ABCC5: variants seen among roughly 807,000 people sequenced by gnomAD.
The protein encoded by ABCC5 is ATP binding cassette subfamily C member 5.
ABCC5 carries 61 observed loss-of-function variants against 160.9 expected under a neutral mutation model. The ratio of observed to expected loss-of-function variants is 0.38; its 90% confidence interval spans 0.31 to 0.47. The LOEUF is 0.47. Among genes scored for constraint, ABCC5 ranks in the 20% least tolerant of loss-of-function variants. ABCC5 has a pLI of 0.99. For synonymous variants in ABCC5, 666 were observed against 700.6 expected, an observed-to-expected ratio of 0.95 and a Z score of 0.78; for missense variants, 1,308 against 1,813.3, an observed-to-expected ratio of 0.72 and a Z score of 5.06.
chr3:184,016,041 A>G (rs1454682795), intron 1 of ABCC5, among the ~76,000 whole-genome samples: 1 of 152,242 alleles, frequency 6.6e-6, no homozygotes, highest in Non-Finnish European at 1.5e-5. Context: ...TGCCACATCA[A>G]GAAGAACACG....
chr3:183,991,098 C>A lies in ABCC5; in HGVS notation c.130-1715G>T, dbSNP rs542726761. Among the ~76,000 whole-genome samples, 208 of 151,936 alleles carry A rather than the reference C, an allele frequency of 1.4e-3. 5 individuals carry two copies. In the South Asian group the frequency reaches 0.016, roughly 11 times the overall value. On this transcript the variant is annotated intron_variant, in intron 2 of 29. Coordinates refer to ENST00000334444, the MANE Select transcript of ABCC5 (RefSeq NM_005688.4). ...GTTGAGCTCAGGAGTTCAAGACCAC[C>A]CTGGGCAACACAGCAACACACCATC...
In ABCC5 at chr3:183,987,711, G is replaced by A; in HGVS notation, c.591+59C>T. Reference sequence around the variant, plus strand: ...ACAACCTCTGCAACAGAATAAGAGTGTTAGAGCTGGCCGTGGCCGGGCCCC... The same window carrying A: ...ACAACCTCTGCAACAGAATAAGAGTATTAGAGCTGGCCGTGGCCGGGCCCC... On this transcript the variant is annotated intron_variant, in intron 5 of 29. Transcript: ENST00000334444. The surrounding 1 kb of genome is among the most constrained non-coding windows in gnomAD (Gnocchi z 4.2). 6.2e-7 allele frequency: 1 copy of A among 1,609,478 alleles called. No individual in the cohort carries two copies. Among genetic ancestry groups the A allele is most frequent in the Admixed American group, 1.7e-5 (1 of 59,642 alleles).
chr3:183,955,000 G>T (rs1715733391), intron 17 of ABCC5, among the ~76,000 whole-genome samples: 1 of 152,154 alleles, frequency 6.6e-6, no homozygotes, highest in South Asian at 2.1e-4. Context: ...GTTAAGCTCT[G>T]CCTGAAGAGT....
rs1387429076 is a variant in ABCC5, at chr3:183,921,360, G to T, written c.4254C>A (p.Asp1418Glu). The change falls in exon 30 of 30, where the codon GAC becomes GAA. Residue 1418 changes from aspartate (D) to glutamate (E), a missense_variant. By Grantham distance (45) the Asp-to-Glu change is conservative. Transcript: ENST00000334444. This position sits in a 1 kb window ranked among gnomAD's most constrained non-coding sequence, Gnocchi z 4.1. ...CAAACATGGCATAGAATCGGGAACT[G>T]TCGTTGGACAGAAGGACCGATGGGG... ...FDTPSVLLSN[D>E]SSRFYAMFAA... 4 of 1,613,306 alleles carry T rather than the reference G, an allele frequency of 2.5e-6. No individual in the cohort carries two copies. The highest frequency in any genetic ancestry group is 1.7e-6 in the Non-Finnish European group (2 of 1,179,604).
intron 17 of ABCC5, among the ~76,000 whole-genome samples, chr3:183,954,969 G>A (rs1428581067): frequency 2.0e-5 from 3 of 152,172 alleles, no homozygotes; most frequent in South Asian, 2.1e-4. Context: ...AAGATTTTCT[G>A]ATTGGCAATT....
chr3:183,965,400 A>AGAC lies in ABCC5; in HGVS notation c.1934_1935insGTC (p.Phe645delinsLeuSer). Reference sequence around the variant, plus strand: ...GCCTTTCTTCATCATATTCCTTCCCAAACAGGATGTTGTCTCTCAGAGTAG... The same window carrying AGAC: ...GCCTTTCTTCATCATATTCCTTCCCAGACAACAGGATGTTGTCTCTCAGAGTAG... On this transcript the variant is annotated protein_altering_variant, in exon 13 of 30. Coordinates refer to ENST00000334444, the MANE Select transcript of ABCC5 (RefSeq NM_005688.4). 6.2e-7 allele frequency: 1 copy of AGAC among 1,614,080 alleles called. No homozygotes were observed. Among genetic ancestry groups the AGAC allele is most frequent in the Non-Finnish European group, 8.5e-7 (1 of 1,180,032 alleles).
intron 17 of ABCC5, among the ~76,000 whole-genome samples, chr3:183,954,726 C>G (rs925500247): frequency 6.6e-6 from 1 of 152,110 alleles, no homozygotes. Context: ...TACCTTGAGA[C>G]GGGTCTCAAT....
At chr3:183,943,952 C>A (rs1714603037) in intron 24 of ABCC5, among the ~76,000 whole-genome samples, 1 of 152,188 alleles carries the variant, frequency 6.6e-6, no homozygotes, top group South Asian at 2.1e-4. Flanking sequence ...GGGCAGCCAC[C>A]TGCCATCCTT....
Position 183,929,541 on chromosome 3 carries a change from T to G in ABCC5, c.3855-716A>C, listed in dbSNP as rs138621278. Among the ~76,000 whole-genome samples, 29 of 152,274 alleles carry G rather than the reference T, an allele frequency of 1.9e-4. No homozygotes were observed. In the East Asian group the frequency reaches 5.6e-3, roughly 29 times the overall value. The stretch of plus-strand genomic sequence containing the variant: ...TGGTTCACAACCCTGTAATTGAGTA[T>G]GGGGCTCCAGGACAGCTGGCCTGAC... On this transcript the variant is annotated intron_variant, in intron 26 of 29. Coordinates refer to ENST00000334444, the MANE Select transcript of ABCC5 (RefSeq NM_005688.4).
chr3:183,967,482 G>A (rs780821554), intron 12 of ABCC5: 21 of 536,992 alleles, frequency 3.9e-5, no homozygotes, highest in Admixed American at 6.2e-5. Context: ...ACAACAGTCA[G>A]TCATCCATCA....
intron 24 of ABCC5, among the ~76,000 whole-genome samples, chr3:183,944,067 C>T (rs1308408566): frequency 6.6e-6 from 1 of 152,162 alleles, no homozygotes; most frequent in Non-Finnish European, 1.5e-5. Flanking sequence ...TTAGAGAATC[C>T]AGTTTACGTA....
chr3:183,952,923 T>C (rs895842218), intron 18 of ABCC5, among the ~76,000 whole-genome samples, 163 bp downstream of exon 18: 1 of 152,212 alleles, frequency 6.6e-6, no homozygotes, highest in Non-Finnish European at 1.5e-5. Flanking sequence ...TTTTTCCTTC[T>C]GGTGAGGCTA....
chr3:183,983,615 A>G (rs1315274598), intron 5 of ABCC5: 4 of 415,182 alleles, frequency 9.6e-6, no homozygotes, highest in Non-Finnish European at 1.3e-5. Context: ...CTCAGGTAGC[A>G]TATGTCTAAC....
At chr3:183,922,076 AAT>A (rs1318952402) in intron 29 of ABCC5, among the ~76,000 whole-genome samples, 8 of 129,064 alleles carry the variant, frequency 6.2e-5, no homozygotes, top group African/African-American at 1.9e-4. Flanking sequence ...TAAATAAATA[AAT>A]AAAAAACAAC....
chr3:183,993,546 A>C (rs1160692314), intron 2 of ABCC5, among the ~76,000 whole-genome samples: 1 of 151,862 alleles, frequency 6.6e-6, no homozygotes, highest in Non-Finnish European at 1.5e-5. Context: ...AGGAATACAC[A>C]TTTTTAATTG....
chr3:183,985,051 AG>A (rs748962333), intron 5 of ABCC5: 6 of 698,286 alleles, frequency 8.6e-6, no homozygotes, highest in South Asian at 1.9e-5. Flanking sequence ...AAACTTTCAA[AG>A]GGGGGGAAAA....
chr3:183,951,385 A>G lies in ABCC5; in HGVS notation c.2944+56T>C. ...TCTGCACATTTGGAGAATCATCTAGAAGGCTGGAAGCACAGTGAGCTCCAG... is the reference window on the plus strand; with the variant it reads ...TCTGCACATTTGGAGAATCATCTAGGAGGCTGGAAGCACAGTGAGCTCCAG... On this transcript the variant is annotated intron_variant, in intron 20 of 29. Transcript: ENST00000334444. The surrounding 1 kb of genome is among the most constrained non-coding windows in gnomAD (Gnocchi z 4.7). The G allele has an allele frequency of 6.3e-7, 1 of 1,594,158 alleles. No homozygotes were observed. The highest frequency in any genetic ancestry group is 8.5e-7 in the Non-Finnish European group (1 of 1,170,166).
At chr3:183,944,474 CAA>C (rs1714658445) in intron 24 of ABCC5, among the ~76,000 whole-genome samples, 1 of 148,620 alleles carries the variant, frequency 6.7e-6, no homozygotes, top group Non-Finnish European at 1.5e-5. Flanking sequence ...GTTTCAAAGT[CAA>C]GTGTTGGGAA....
Position 184,009,612 on chromosome 3 carries a change from G to GT in ABCC5, c.129+4651dup, listed in dbSNP as rs577869663. ...AAGATAAATACATCTGAGAAATTTT[G>GT]TTTTTTGACAGGTAACGGTCAAGCA... On this transcript the variant is annotated intron_variant, in intron 2 of 29. Transcript: ENST00000334444. 5.9e-5 allele frequency among the ~76,000 whole-genome samples: 9 copies of GT among 152,180 alleles called. No individual in the cohort carries two copies. In the South Asian group the frequency reaches 1.5e-3, roughly 25 times the overall value.
Sources: allele counts gnomAD v4.1 joint callset (sites outside exome capture counted in the v4.1 genomes callset), GRCh38; gene constraint gnomAD v4.1.1; non-coding constraint Gnocchi (gnomAD v3.1); transcripts MANE v1.5; gene names NCBI Gene and HGNC (gene_info 2026-07-23, HGNC 2026-07-21).